Variants in AP3M2 observed in about 807,000 individuals in gnomAD.
AP3M2 encodes AP-3 complex subunit mu-2.
A neutral mutation model predicts 41.6 loss-of-function variants in AP3M2; 28 were observed. The ratio of observed to expected loss-of-function variants is 0.67; its 90% confidence interval spans 0.50 to 0.92. The LOEUF is 0.92. Among genes scored for constraint, AP3M2 ranks in the 40% least tolerant of loss-of-function variants. The pLI, the probability that AP3M2 is intolerant of heterozygous loss-of-function variation, is 0.00. For missense variants in AP3M2, 427 were observed against 521.4 expected, an observed-to-expected ratio of 0.82 and a Z score of 1.76; for synonymous variants, 193 against 186.4, an observed-to-expected ratio of 1.04 and a Z score of -0.29.
chr8:42,158,622 T>A (rs563700435), intron 3 of AP3M2, among the ~76,000 whole-genome samples: 1 of 152,278 alleles, frequency 6.6e-6, no homozygotes, highest in South Asian at 2.1e-4. Context: ...AATGACAAAA[T>A]GAAGTGTTCT....
intron 6 of AP3M2, 39 bp from the exon 7 acceptor site, chr8:42,167,125 A>C (rs753925960): frequency 6.4e-7 from 1 of 1,572,104 alleles, no homozygotes; most frequent in South Asian, 1.1e-5. Flanking sequence ...CCATTTTCCC[A>C]GTGCACGAAT....
At chr8:42,156,308 G>A (rs540269617) in intron 2 of AP3M2, among the ~76,000 whole-genome samples, 1 of 152,206 alleles carries the variant, frequency 6.6e-6, no homozygotes, top group South Asian at 2.1e-4. Context: ...GGAAGTCTGA[G>A]ACTTCAGAGC....
intron 6 of AP3M2, 75 bp from the exon 7 acceptor site, chr8:42,167,089 A>G (rs1482816544): frequency 7.3e-7 from 1 of 1,366,554 alleles, no homozygotes; most frequent in Non-Finnish European, 1.0e-6. Context: ...CAGGGCAGAA[A>G]AAGCATCATG....
Position 42,162,348 on chromosome 8 carries a change from G to A in AP3M2, c.513G>A (p.Gly171=), listed in dbSNP as rs1277295964. Residue 171 remains glycine (G), a synonymous_variant, in exon 4 of 9, where the codon GGG becomes GGA. Transcript: ENST00000396926. The part of the protein sequence containing the change: ...QLSVVPWRRT[G]VKYTNNEAYF... ...CAGTGGTGCCTTGGCGACGGACTGG[G>A]GTGAAATATACCAACAATGAGGCCT... 36 of 1,613,654 alleles carry A rather than the reference G, an allele frequency of 2.2e-5. No individual in the cohort carries two copies. Among genetic ancestry groups the A allele is most frequent in the Non-Finnish European group, 2.7e-5 (32 of 1,179,852 alleles).
At chr8:42,162,455 T>C in intron 4 of AP3M2, 37 bp downstream of exon 4, 10 of 1,570,882 alleles carry the variant, frequency 6.4e-6, no homozygotes, top group Non-Finnish European at 7.8e-6. Flanking sequence ...AATATGAAAA[T>C]AGAAAGGGAC....
At position 42,169,768 on chromosome 8, in the gene AP3M2, T is replaced by C. The variant is rs1804745293; in HGVS notation, c.*707T>C. 1 of 152,208 alleles carries C rather than the reference T, an allele frequency of 6.6e-6. No individual in the cohort carries two copies. The highest frequency in any genetic ancestry group is 1.9e-4 in the East Asian group (1 of 5,194). The allele number at this position is 152,208 out of a possible 1,614,324, so 9.4% of individuals were successfully genotyped here. On this transcript the variant is annotated 3_prime_UTR_variant, in exon 9 of 9. Coordinates refer to ENST00000396926, the MANE Select transcript of AP3M2 (RefSeq NM_006803.4). ...CTCAAAGACCATGATGGTATCGGAC[T>C]AGTTTTCAGACACTGCCTGTTGCTG...
In AP3M2 at chr8:42,165,421, CTG is replaced by C; in HGVS notation, c.670-4_670-3del. The C allele has an allele frequency of 6.2e-7, 1 of 1,614,032 alleles. No homozygotes were observed. Among genetic ancestry groups the C allele is most frequent in the Non-Finnish European group, 8.5e-7 (1 of 1,179,982 alleles). The stretch of plus-strand genomic sequence containing the variant: ...CTTCTTGCTTCTCCTCTCCTGATGA[CTG>C]TAGAACCCTAGGTTGTTGGATGATG... On this transcript the variant is annotated splice_region_variant and splice_polypyrimidine_tract_variant and intron_variant, in intron 5 of 8. Transcript: ENST00000396926.
At chr8:42,159,148 G>A (rs1224554704) in intron 3 of AP3M2, among the ~76,000 whole-genome samples, 3 of 152,104 alleles carry the variant, frequency 2.0e-5, no homozygotes, top group Non-Finnish European at 2.9e-5. Context: ...CCAAAGTTAC[G>A]TACTGAATCC....
intron 1 of AP3M2, chr8:42,153,630 G>A (rs1218537593): frequency 1.3e-5 from 2 of 152,172 alleles, no homozygotes; most frequent in Admixed American, 6.5e-5. Context: ...ACCGTCTGAG[G>A]GCCTTGGGGT....
intron 6 of AP3M2, 156 bp downstream of exon 6, chr8:42,165,716 C>T: frequency 1.4e-6 from 1 of 735,986 alleles, no homozygotes; most frequent in East Asian, 2.6e-5. Flanking sequence ...AGTTGCTTAA[C>T]CCCTATGTAT....
intron 3 of AP3M2, 118 bp from the exon 4 acceptor site, chr8:42,162,163 T>C: frequency 9.6e-7 from 1 of 1,040,720 alleles, no homozygotes; most frequent in Non-Finnish European, 1.3e-6. Context: ...TCATCTTCTG[T>C]TTGAAAAATT....
chr8:42,162,943 CAAAAAAAA>C (rs67923954), intron 4 of AP3M2, among the ~76,000 whole-genome samples: 41 of 54,214 alleles, frequency 7.6e-4, no homozygotes, highest in East Asian at 4.6e-3. Context: ...GACCCTGTCT[CAAAAAAAA>C]AAAAAAAAAA....
At chr8:42,166,612 T>TAAAA (rs1404448805) in intron 6 of AP3M2, among the ~76,000 whole-genome samples, 1 of 84,254 alleles carries the variant, frequency 1.2e-5, no homozygotes, top group Non-Finnish European at 2.4e-5. Flanking sequence ...AAAAAAAAAG[T>TAAAA]AAAAATTAGC....
chr8:42,156,147 C>T (rs1239932867), intron 2 of AP3M2: 4 of 395,080 alleles, frequency 1.0e-5, no homozygotes, highest in African/African-American at 6.3e-5. Context: ...ATACTTTACT[C>T]ATTCTGAGAT....
intron 3 of AP3M2, among the ~76,000 whole-genome samples, chr8:42,161,613 A>G (rs1166301281): frequency 6.6e-6 from 1 of 152,248 alleles, no homozygotes; most frequent in Non-Finnish European, 1.5e-5. Context: ...TATCTAAAAA[A>G]AATTTTGTTT....
At position 42,154,667 on chromosome 8, in the gene AP3M2, C is replaced by G; in HGVS notation, c.-21C>G. On this transcript the variant is annotated 5_prime_UTR_variant, in exon 2 of 9. Coordinates refer to ENST00000396926, the MANE Select transcript of AP3M2 (RefSeq NM_006803.4). ...CTTTCAGACTGAAAAAGGCTTTCTT[C>G]TGTCACTGACAATCGCCACCATGAT... 4 of 1,610,254 alleles carry G rather than the reference C, an allele frequency of 2.5e-6. No homozygotes were observed. The highest frequency in any genetic ancestry group is 2.5e-6 in the Non-Finnish European group (3 of 1,177,906).
In AP3M2 at chr8:42,154,859, A is replaced by C. The variant is rs1350508615; in HGVS notation, c.172A>C (p.Ser58Arg). 3.7e-6 allele frequency: 6 copies of C among 1,614,114 alleles called. No homozygotes were observed. Among genetic ancestry groups the C allele is most frequent in the Non-Finnish European group, 5.1e-6 (6 of 1,180,022 alleles). Residue 58 changes from serine (S) to arginine (R), a missense_variant, in exon 2 of 9, where the codon AGT becomes CGT. Physicochemically the swap from Ser to Arg is moderately radical, Grantham distance 110. This residue lies in a region of AP3M2 where 104 missense variants were observed against 93.8 expected (regional missense o/e 1.11). Coordinates refer to ENST00000396926, the MANE Select transcript of AP3M2 (RefSeq NM_006803.4). ...CCCTACCCCTCACCACTATCTCTTA[A>C]GTGTTTACCGCCACAAGATCTTTTT... Reference protein sequence around the residue: ...VIPTPHHYLLSVYRHKIFFVA... With the variant: ...VIPTPHHYLLRVYRHKIFFVA...
At position 42,169,026 on chromosome 8, in the gene AP3M2, A is replaced by C. The variant is rs149080889; in HGVS notation, c.1222A>C (p.Met408Leu). The change falls in exon 9 of 9, where the codon ATG becomes CTG. Residue 408 changes from methionine to leucine, a missense_variant. Met to Leu is a conservative substitution (Grantham distance 15). Coordinates refer to ENST00000396926, the MANE Select transcript of AP3M2 (RefSeq NM_006803.4). Reference sequence around the variant, plus strand: ...CAAACCCTTTAAGGGCATAAAATACATGACCAAAGCTGGGAAGTTCCAAGT... The same window carrying C: ...CAAACCCTTTAAGGGCATAAAATACCTGACCAAAGCTGGGAAGTTCCAAGT... ...KYKPFKGIKY[M>L]TKAGKFQVRT The C allele has an allele frequency of 4.3e-6, 7 of 1,612,416 alleles. No individual in the cohort carries two copies. In the Admixed American group the frequency reaches 6.7e-5, roughly 15 times the overall value.
chr8:42,160,449 A>G (rs1279049067), intron 3 of AP3M2, among the ~76,000 whole-genome samples: 1 of 152,182 alleles, frequency 6.6e-6, no homozygotes, highest in Admixed American at 6.5e-5. Flanking sequence ...AGTCAGCTTC[A>G]ATATGGAAAA....
Sources: gnomAD v4.1 joint callset for allele counts (sites outside exome capture counted in the v4.1 genomes callset) on GRCh38, gnomAD v4.1.1 for gene constraint, gnomAD v4.1.1 regional missense constraint, MANE v1.5 for transcripts, NCBI Gene and HGNC (gene_info 2026-07-23, HGNC 2026-07-21) for gene names.